PHLPP1: variants seen among roughly 807,000 people sequenced by gnomAD.
The protein encoded by PHLPP1 is PH domain and leucine rich repeat protein phosphatase 1, also known as PH domain leucine-rich repeat-containing protein phosphatase 1.
In PHLPP1, 42 loss-of-function variants were observed where a neutral mutation model predicts 117.2. The observed-to-expected ratio is 0.36, with a 90% confidence interval of 0.28 to 0.46. PHLPP1 has a LOEUF of 0.46. Ranked by LOEUF, PHLPP1 falls within the 20% of genes least tolerant of loss-of-function variation. The pLI, the probability that PHLPP1 is intolerant of heterozygous loss-of-function variation, is 1.00. For synonymous variants in PHLPP1, 1,042 were observed against 970.7 expected (o/e 1.07, Z -1.37); for missense variants, 2,084 against 2,241.9 (o/e 0.93, Z 1.42).
chr18:62,878,082 A>C (rs1916092047), intron 4 of PHLPP1, among the ~76,000 whole-genome samples: 1 of 152,162 alleles, frequency 6.6e-6, no homozygotes, highest in African/African-American at 2.4e-5. Flanking sequence ...AGCTCTGTGG[A>C]GCTCTTTGCC....
At chr18:62,835,258 C>T (rs906206000) in intron 2 of PHLPP1, among the ~76,000 whole-genome samples, 2 of 150,420 alleles carry the variant, frequency 1.3e-5, no homozygotes, top group Non-Finnish European at 2.9e-5. Context: ...GGCTGGAGTG[C>T]AGTGGTGCAT....
chr18:62,717,227 C>T lies in PHLPP1; in HGVS notation c.1544C>T (p.Ser515Leu), dbSNP rs1270070188. ...AGGGTGCAGGAGGAAGGCATGGACT[C>T]GGAGATTGGCTGCCTCATCCGCTTC... ...LWRVQEEGMD[S>L]EIGCLIRFYA... Residue 515 changes from serine (S) to leucine (L), a missense_variant, in exon 1 of 17, where the codon TCG becomes TTG. Physicochemically the swap from Ser to Leu is moderately radical, Grantham distance 145 (BLOSUM62 -2). Around this residue, in one of 2 missense-constraint regions of PHLPP1, gnomAD observed 1,365 missense variants for 1,605.9 expected, o/e 0.85. Coordinates refer to ENST00000262719, the MANE Select transcript of PHLPP1 (RefSeq NM_194449.4). 6.2e-7 allele frequency: 1 copy of T among 1,600,636 alleles called. No individual in the cohort carries two copies. The highest frequency in any genetic ancestry group is 1.3e-5 in the African/African-American group (1 of 74,526).
intron 16 of PHLPP1, among the ~76,000 whole-genome samples, chr18:62,977,767 G>A (rs1911233541): frequency 2.0e-5 from 3 of 152,146 alleles, no homozygotes; most frequent in Admixed American, 2.0e-4. Context: ...CTTGATATAT[G>A]CCTGCGTCAT....
intron 4 of PHLPP1, among the ~76,000 whole-genome samples, chr18:62,883,635 A>T (rs1336628846): frequency 6.6e-6 from 1 of 152,178 alleles, no homozygotes; most frequent in Admixed American, 6.6e-5. Context: ...TTTGTAGTAC[A>T]TATTTAAACT....
At chr18:62,970,829 G>T (rs966490418) in intron 14 of PHLPP1, among the ~76,000 whole-genome samples, 4 of 152,136 alleles carry the variant, frequency 2.6e-5, no homozygotes, top group Non-Finnish European at 5.9e-5. Flanking sequence ...CATTATCGTT[G>T]TGCTTCATTC....
At chr18:62,915,091 C>T (rs1265806955) in intron 9 of PHLPP1, 83 bp downstream of exon 9, 2 of 972,426 alleles carry the variant, frequency 2.1e-6, no homozygotes, top group African/African-American at 1.6e-5. Flanking sequence ...AACTTGGTAT[C>T]ATAAGCCTAA....
At chr18:62,830,908 G>A (rs1212406731) in intron 2 of PHLPP1, among the ~76,000 whole-genome samples, 4 of 152,140 alleles carry the variant, frequency 2.6e-5, no homozygotes, top group East Asian at 3.8e-4. Context: ...TGACACATGC[G>A]GAGGGTTTGA....
chr18:62,733,690 T>G (rs933365873), intron 1 of PHLPP1, among the ~76,000 whole-genome samples: 1 of 152,128 alleles, frequency 6.6e-6, no homozygotes, highest in Non-Finnish European at 1.5e-5. Context: ...AATAAAAAGG[T>G]GAAAAGTGTT....
chr18:62,914,896 T>A lies in PHLPP1; in HGVS notation c.2709-17T>A. On this transcript the variant is annotated splice_polypyrimidine_tract_variant and intron_variant, in intron 8 of 16. Transcript: ENST00000262719. The stretch of plus-strand genomic sequence containing the variant: ...GAGGACAAATTCAACCAATTACTTT[T>A]ATGTTCTTGCATTTAGGAACCGCTT... The A allele has an allele frequency of 6.3e-7, 1 of 1,589,618 alleles. No individual in the cohort carries two copies. The highest frequency in any genetic ancestry group is 8.6e-7 in the Non-Finnish European group (1 of 1,159,632).
intron 4 of PHLPP1, among the ~76,000 whole-genome samples, chr18:62,878,562 T>C (rs565327944): frequency 1.3e-5 from 2 of 152,308 alleles, no homozygotes; most frequent in Admixed American, 1.3e-4. Context: ...CACATTCCTC[T>C]TGTCATTTCT....
At chr18:62,800,242 A>C (rs1169361109) in intron 1 of PHLPP1, among the ~76,000 whole-genome samples, 1 of 152,148 alleles carries the variant, frequency 6.6e-6, no homozygotes, top group Non-Finnish European at 1.5e-5. Flanking sequence ...CCCTTTACAC[A>C]CTTGTCACTT....
At chr18:62,738,574 G>A (rs1303870885) in intron 1 of PHLPP1, among the ~76,000 whole-genome samples, 1 of 152,122 alleles carries the variant, frequency 6.6e-6, no homozygotes, top group African/African-American at 2.4e-5. Context: ...ATCTTTTGGG[G>A]TGGGTGGTGG....
At chr18:62,717,547 G>A (rs1910797174) in intron 1 of PHLPP1, among the ~76,000 whole-genome samples, 1 of 152,184 alleles carries the variant, frequency 6.6e-6, no homozygotes, top group Non-Finnish European at 1.5e-5. Context: ...AGCGGCAAGA[G>A]CACCTTTAAC....
In PHLPP1 at chr18:62,877,102, T is replaced by C. The variant is rs1599097711; in HGVS notation, c.2066+16501T>C. ...TACCTCTCTTCTTAGAAAGCTCAAA[T>C]TTCTACATTTTTGGTTCCCTTGGAG... On this transcript the variant is annotated intron_variant, in intron 4 of 16. Transcript: ENST00000262719. 2.0e-5 allele frequency among the ~76,000 whole-genome samples: 3 copies of C among 152,222 alleles called. No individual in the cohort carries two copies. In the East Asian group the frequency reaches 5.8e-4, roughly 29 times the overall value.
intron 10 of PHLPP1, among the ~76,000 whole-genome samples, chr18:62,924,572 A>G (rs1909567318): frequency 1.3e-5 from 2 of 150,978 alleles, no homozygotes; most frequent in South Asian, 4.2e-4. Flanking sequence ...AGTGGCTGAC[A>G]CCTATAATCC....
intron 1 of PHLPP1, among the ~76,000 whole-genome samples, chr18:62,749,193 C>T (rs1459663891): frequency 6.6e-6 from 1 of 150,892 alleles, no homozygotes; most frequent in Non-Finnish European, 1.5e-5. Context: ...TCAGATTTAC[C>T]CAAAGGCTTG....
chr18:62,739,618 G>C (rs547680464), intron 1 of PHLPP1, among the ~76,000 whole-genome samples: 3 of 152,110 alleles, frequency 2.0e-5, no homozygotes, highest in Non-Finnish European at 4.4e-5. Flanking sequence ...GGAGAAAGAG[G>C]CTAAGGATGA....
chr18:62,889,181 T>C (rs1367612263), intron 4 of PHLPP1, among the ~76,000 whole-genome samples: 1 of 152,188 alleles, frequency 6.6e-6, no homozygotes, highest in Non-Finnish European at 1.5e-5. Context: ...TTGATAAGTA[T>C]CTGCTGAATA....
At chr18:62,719,209 C>T (rs1321565147) in intron 1 of PHLPP1, among the ~76,000 whole-genome samples, 1 of 152,190 alleles carries the variant, frequency 6.6e-6, no homozygotes, top group Non-Finnish European at 1.5e-5. Context: ...AGTATCCACC[C>T]TATTCTTGAA....
Sources: allele counts gnomAD v4.1 joint callset (sites outside exome capture counted in the v4.1 genomes callset), GRCh38; gene constraint gnomAD v4.1.1; regional missense constraint gnomAD v4.1.1; transcripts MANE v1.5; gene names NCBI Gene and HGNC (gene_info 2026-07-23, HGNC 2026-07-21).